Variants in DNAH3 observed in about 807,000 individuals in gnomAD.
The protein encoded by DNAH3 is axonemal beta dynein heavy chain 3.
Under a neutral mutation model 432.5 loss-of-function variants are expected in DNAH3, and 332 were observed. That is an observed-to-expected ratio of 0.77 (90% CI 0.70 to 0.84). The LOEUF is 0.84. DNAH3 is among the 40% of genes least tolerant of loss of function. The pLI, the probability that DNAH3 is intolerant of heterozygous loss-of-function variation, is 0.00. For missense variants in DNAH3, 4,861 were observed against 5,114.0 expected (o/e 0.95, Z 1.51); for synonymous variants, 1,956 against 1,900.2 (o/e 1.03, Z -0.76).
intron 41 of DNAH3, among the ~76,000 whole-genome samples, chr16:21,017,325 TAAAAGG>T (rs979307275): frequency 2.0e-5 from 3 of 152,076 alleles, no homozygotes; most frequent in Admixed American, 2.0e-4. Context: ...ATCATCAAGC[TAAAAGG>T]AAAAGTCAAG....
chr16:21,127,787 T>C, exon 8 of DNAH3: 1 of 1,614,124 alleles, frequency 6.2e-7, no homozygotes, highest in East Asian at 2.2e-5. Context: ...ATTTCTGCTG[T>C]TCGAACAAAC....
chr16:20,992,954 C>G (rs2086619718), intron 44 of DNAH3, among the ~76,000 whole-genome samples: 1 of 152,126 alleles, frequency 6.6e-6, no homozygotes, highest in Non-Finnish European at 1.5e-5. Context: ...CAACCTTTAC[C>G]ACCCAGGTTC....
chr16:21,021,886 G>A (rs998644390), intron 40 of DNAH3, 85 bp downstream of exon 40: 126 of 1,490,032 alleles, frequency 8.5e-5, no homozygotes, highest in African/African-American at 1.8e-4. Context: ...CTTGGTGACA[G>A]AGTGAGACTT....
At chr16:21,066,567 C>G (rs1204693809) in intron 24 of DNAH3, among the ~76,000 whole-genome samples, 1 of 151,986 alleles carries the variant, frequency 6.6e-6, no homozygotes, top group Admixed American at 6.6e-5. Context: ...TGGAATTTCC[C>G]CATCTTGTCC....
intron 15 of DNAH3, among the ~76,000 whole-genome samples, chr16:21,105,174 G>A (rs982581064): frequency 6.6e-6 from 1 of 152,102 alleles, no homozygotes; most frequent in East Asian, 1.9e-4. Context: ...CACAGCTCGT[G>A]AACATGCAGG....
intron 28 of DNAH3, 100 bp from the exon 29 acceptor site, chr16:21,051,968 T>C (rs2089972440): frequency 2.2e-6 from 2 of 893,106 alleles, no homozygotes; most frequent in Non-Finnish European, 3.5e-6. Flanking sequence ...AGGTCCCCCA[T>C]TCTCCAAACT....
chr16:21,073,903 A>C (rs1377734572), intron 21 of DNAH3, among the ~76,000 whole-genome samples: 1 of 152,202 alleles, frequency 6.6e-6, no homozygotes, highest in Admixed American at 6.5e-5. Flanking sequence ...CATGGAGTCT[A>C]GACCATTATA....
intron 57 of DNAH3, among the ~76,000 whole-genome samples, chr16:20,947,225 G>A (rs555208480): frequency 2.5e-4 from 38 of 152,136 alleles, no homozygotes; most frequent in East Asian, 7.7e-4. Context: ...GACTGGGTGC[G>A]GGGAGCTTCT....
At chr16:20,948,756 G>A (rs2084174072) in intron 56 of DNAH3, 119 bp from the exon 57 acceptor site, 3 of 1,119,216 alleles carry the variant, frequency 2.7e-6, no homozygotes, top group African/African-American at 3.1e-5. Context: ...TAGTGATAGG[G>A]ACAGCAAGCA....
intron 3 of DNAH3, among the ~76,000 whole-genome samples, chr16:21,142,806 A>C (rs1199487150): frequency 6.6e-6 from 1 of 152,004 alleles, no homozygotes; most frequent in Non-Finnish European, 1.5e-5. Context: ...GGCGCATGCC[A>C]CCACACCTGG....
At chr16:21,132,958 T>TA (rs60878623) in intron 7 of DNAH3, among the ~76,000 whole-genome samples, 41,511 of 147,216 alleles carry the variant, frequency 0.28, 5,729 homozygotes, top group African/African-American at 0.32. Context: ...ACTCCTACAA[T>TA]TTTTTTTTTT....
At chr16:20,998,203 T>G (rs1290422574) in intron 43 of DNAH3, among the ~76,000 whole-genome samples, 1 of 152,176 alleles carries the variant, frequency 6.6e-6, no homozygotes, top group Non-Finnish European at 1.5e-5. Flanking sequence ...TGAACTTCAA[T>G]GGGAGCAACA....
intron 15 of DNAH3, among the ~76,000 whole-genome samples, chr16:21,105,775 T>A (rs1486893160): frequency 6.6e-6 from 1 of 151,726 alleles, no homozygotes; most frequent in African/African-American, 2.4e-5. Flanking sequence ...ACAAAAAAAA[T>A]AAATAAATAA....
Position 21,117,603 on chromosome 16 carries a change from G to A in DNAH3, c.1700-286C>T, listed in dbSNP as rs148879076. 1.8e-3 allele frequency among the ~76,000 whole-genome samples: 278 copies of A among 152,122 alleles called. 1 individual carries two copies. The highest frequency in any genetic ancestry group is 0.012 in the Admixed American group (189 of 15,280). On this transcript the variant is annotated intron_variant, in intron 11 of 61. Transcript: ENST00000261383. The stretch of plus-strand genomic sequence containing the variant: ...GAGAGTCCCCCTTGTCCTGCTCACC[G>A]CCCCACAACGCTCCAGTGGATGTTG...
At chr16:21,102,301 TC>T (rs978985445) in intron 16 of DNAH3, among the ~76,000 whole-genome samples, 6 of 152,198 alleles carry the variant, frequency 3.9e-5, no homozygotes, top group African/African-American at 1.2e-4. Flanking sequence ...TTGTTCCCAT[TC>T]CTCACAGAGC....
At chr16:21,035,304 G>A (rs1019637905) in intron 35 of DNAH3, among the ~76,000 whole-genome samples, 1 of 152,198 alleles carries the variant, frequency 6.6e-6, no homozygotes, top group Admixed American at 6.5e-5. Context: ...TCCAGCCTGG[G>A]TAATGGAGGG....
At chr16:21,037,797 C>A in exon 34 of DNAH3, 2 of 1,614,128 alleles carry the variant, frequency 1.2e-6, no homozygotes, top group Non-Finnish European at 1.7e-6. Context: ...AGAACTTGGC[C>A]AGATTGACAT....
At chr16:21,088,441 C>A (rs2091444195) in intron 18 of DNAH3, among the ~76,000 whole-genome samples, 1 of 152,050 alleles carries the variant, frequency 6.6e-6, no homozygotes, top group African/African-American at 2.4e-5. Flanking sequence ...ATCACTCAGG[C>A]AAAGAGGAGT....
intron 15 of DNAH3, 107 bp from the exon 16 acceptor site, chr16:21,104,701 G>A: frequency 3.0e-6 from 2 of 664,902 alleles, no homozygotes; most frequent in Admixed American, 2.2e-5. Context: ...TGGTGTGGGG[G>A]TGGCAATGAA....
Sources: gnomAD v4.1 joint callset for allele counts (sites outside exome capture counted in the v4.1 genomes callset) on GRCh38, gnomAD v4.1.1 for gene constraint, MANE v1.5 for transcripts, NCBI Gene and HGNC (gene_info 2026-07-23, HGNC 2026-07-21) for gene names.